The following NEK1 variants were observed in gnomAD, a reference collection of about 807,000 sequenced individuals.
NEK1 encodes the protein NIMA related kinase 1, also known as serine/threonine-protein kinase Nek1.
Under a neutral mutation model 182.1 loss-of-function variants are expected in NEK1, and 137 were observed. The observed-to-expected ratio is 0.75, with a 90% CI of 0.65 to 0.87. The LOEUF is 0.87. Among genes scored for constraint, NEK1 ranks in the 40% least tolerant of loss-of-function variants. The probability of loss-of-function intolerance (pLI) is 0.00; values close to 1 mark genes in which losing one functional copy is unlikely to be tolerated. For missense variants in NEK1, 1,391 were observed against 1,494.4 expected (o/e 0.93, Z 1.14); for synonymous variants, 513 against 492.2 (o/e 1.04, Z -0.56).
In NEK1 at chr4:169,398,382, CAT is replaced by C. The variant is rs200512794; in HGVS notation, c.3847+1841_3847+1842del. ...ACTTTTTGCTCCTTAAAGGGATCCA[CAT>C]GTTATTCAAGTTTGAGGAACACTGT... is the stretch of plus-strand genomic sequence containing the variant. On this transcript the variant is annotated intron_variant, in intron 35 of 35. Coordinates refer to ENST00000507142, the MANE Select transcript of NEK1 (RefSeq NM_001199397.3). Among the ~76,000 whole-genome samples the C allele has an allele frequency of 6.2e-4, 94 of 151,930 alleles. 2 individuals are homozygous for C. The East Asian group carries it at 0.016, about 26-fold the overall frequency.
chr4:169,583,073 T>C (rs1766934976), intron 10 of NEK1, among the ~76,000 whole-genome samples: 4 of 152,112 alleles, frequency 2.6e-5, no homozygotes, highest in African/African-American at 9.7e-5. Flanking sequence ...ACTACAGTGA[T>C]ACTGGAAATA....
intron 5 of NEK1, among the ~76,000 whole-genome samples, chr4:169,592,414 T>C (rs755281248): frequency 6.6e-6 from 1 of 152,198 alleles, no homozygotes; most frequent in Non-Finnish European, 1.5e-5. Flanking sequence ...CTTCTATGTA[T>C]ACTGTTTATG....
At chr4:169,450,223 G>A (rs944059627) in intron 27 of NEK1, among the ~76,000 whole-genome samples, 2 of 152,136 alleles carry the variant, frequency 1.3e-5, no homozygotes, top group African/African-American at 4.8e-5. Context: ...TGAAAGTGAT[G>A]GGGAGAATGG....
chr4:169,436,369 T>C (rs1738416072), intron 28 of NEK1, among the ~76,000 whole-genome samples: 1 of 147,638 alleles, frequency 6.8e-6, no homozygotes, highest in African/African-American at 2.7e-5. Context: ...TTCAATGACA[T>C]TGTTGGTGAG....
chr4:169,587,871 C>T (rs957673139), intron 8 of NEK1, among the ~76,000 whole-genome samples: 3 of 151,846 alleles, frequency 2.0e-5, no homozygotes, highest in East Asian at 3.8e-4. Context: ...AAAAAATTCA[C>T]GTAAATTCTA....
chr4:169,396,457 T>C (rs1234503830), intron 35 of NEK1, among the ~76,000 whole-genome samples: 1 of 150,232 alleles, frequency 6.7e-6, no homozygotes, highest in Non-Finnish European at 1.5e-5. Flanking sequence ...TGGTAGCCTC[T>C]GCCAGGTTGC....
intron 27 of NEK1, among the ~76,000 whole-genome samples, chr4:169,450,360 C>A (rs895550441): frequency 6.6e-6 from 1 of 152,160 alleles, no homozygotes; most frequent in African/African-American, 2.4e-5. Flanking sequence ...GAAGAGCAAC[C>A]CCAAGACACA....
chr4:169,580,765 C>T (rs1766502530), intron 11 of NEK1, 77 bp downstream of exon 11: 1 of 839,810 alleles, frequency 1.2e-6, no homozygotes, highest in Non-Finnish European at 2.0e-6. Context: ...CAACTTACTA[C>T]ATCTACATAT....
chr4:169,533,221 G>C (rs1757950569), intron 19 of NEK1, among the ~76,000 whole-genome samples: 1 of 152,150 alleles, frequency 6.6e-6, no homozygotes, highest in Non-Finnish European at 1.5e-5. Context: ...CTAATCACCT[G>C]AGCCTTTTAA....
chr4:169,459,045 GA>G (rs59040365), intron 27 of NEK1, among the ~76,000 whole-genome samples: 3 of 142,864 alleles, frequency 2.1e-5, no homozygotes, highest in African/African-American at 2.6e-5. Flanking sequence ...TCCAAAATCT[GA>G]AAAAAAAAAC....
At position 169,561,905 on chromosome 4, in the gene NEK1, A is replaced by G. The variant is rs772961438; in HGVS notation, c.1081-14T>C. ...TCTTGCTGCTTCCTTAAATAAAAAA[A>G]AGAACATTTTAATCCATAATAATTC... On this transcript the variant is annotated splice_polypyrimidine_tract_variant and intron_variant, in intron 13 of 35. Transcript: ENST00000507142. 1 of 1,590,810 alleles carries G rather than the reference A, an allele frequency of 6.3e-7. No individual in the cohort carries two copies. The highest frequency in any genetic ancestry group is 1.2e-5 in the South Asian group (1 of 86,372).
chr4:169,466,457 T>C (rs1486234200), intron 26 of NEK1, among the ~76,000 whole-genome samples: 1 of 45,656 alleles, frequency 2.2e-5, no homozygotes, highest in African/African-American at 2.4e-4. Context: ...AAAATGAGGG[T>C]AACAGAAGAC....
At chr4:169,452,348 T>C (rs893333040) in intron 27 of NEK1, among the ~76,000 whole-genome samples, 6 of 152,268 alleles carry the variant, frequency 3.9e-5, no homozygotes, top group Admixed American at 3.9e-4. Context: ...TACCAAAGAC[T>C]GGCAGAGACA....
chr4:169,431,998 C>T (rs565447551), intron 29 of NEK1, among the ~76,000 whole-genome samples: 94 of 151,066 alleles, frequency 6.2e-4, no homozygotes, highest in African/African-American at 2.2e-3. Context: ...CATGTAACCA[C>T]CAGGGCAAAT....
intron 23 of NEK1, among the ~76,000 whole-genome samples, chr4:169,498,607 C>A (rs981507100): frequency 7.9e-5 from 12 of 152,138 alleles, no homozygotes; most frequent in African/African-American, 2.7e-4. Context: ...CTGGTGGTGA[C>A]AAAATCTCTC....
chr4:169,475,117 C>T (rs1746706600), intron 26 of NEK1, among the ~76,000 whole-genome samples: 1 of 152,156 alleles, frequency 6.6e-6, no homozygotes, highest in African/African-American at 2.4e-5. Flanking sequence ...GGGTCTACCA[C>T]ACTCCCTGAG....
chr4:169,418,592 A>G (rs960502125), intron 31 of NEK1, among the ~76,000 whole-genome samples: 1 of 152,182 alleles, frequency 6.6e-6, no homozygotes, highest in Non-Finnish European at 1.5e-5. Flanking sequence ...GATAAAACAC[A>G]CAATATCGAA....
chr4:169,599,032 C>T, intron 5 of NEK1, 68 bp downstream of exon 5: 2 of 1,188,224 alleles, frequency 1.7e-6, no homozygotes, highest in Non-Finnish European at 2.5e-6. Context: ...AACAAATACA[C>T]ACATAAACAA....
chr4:169,420,607 T>C (rs1180427161), intron 31 of NEK1, among the ~76,000 whole-genome samples: 1 of 152,218 alleles, frequency 6.6e-6, no homozygotes, highest in African/African-American at 2.4e-5. Flanking sequence ...ATGGGGTCTG[T>C]AATTCACTGA....
Sources: allele counts gnomAD v4.1 joint callset (sites outside exome capture counted in the v4.1 genomes callset), GRCh38; gene constraint gnomAD v4.1.1; transcripts MANE v1.5; gene names NCBI Gene and HGNC (gene_info 2026-07-23, HGNC 2026-07-21).